KCNB2: variants seen among roughly 807,000 people sequenced by gnomAD.
KCNB2 encodes the protein delayed rectifier potassium channel protein.
A neutral mutation model predicts 61.5 loss-of-function variants in KCNB2; 15 were observed. That is an observed-to-expected ratio of 0.24 (90% CI 0.16 to 0.38). KCNB2 has a LOEUF of 0.38. KCNB2 is among the 10% of genes least tolerant of loss of function. KCNB2 has a pLI of 1.00. For missense variants in KCNB2, 828 were observed against 1,125.2 expected, an observed-to-expected ratio of 0.74 and a Z score of 3.78; for synonymous variants, 457 against 446.0, an observed-to-expected ratio of 1.02 and a Z score of -0.31.
chr8:72,674,975 C>G (rs577417375), intron 2 of KCNB2, among the ~76,000 whole-genome samples: 1 of 152,222 alleles, frequency 6.6e-6, no homozygotes, highest in African/African-American at 2.4e-5. Flanking sequence ...AAACATGTTC[C>G]TATAACAACC....
chr8:72,822,590 T>C (rs527599653), intron 2 of KCNB2, among the ~76,000 whole-genome samples: 1 of 152,296 alleles, frequency 6.6e-6, no homozygotes, highest in East Asian at 1.9e-4. Context: ...TCTGCTTACC[T>C]CTCGCCACCC....
intron 2 of KCNB2, among the ~76,000 whole-genome samples, chr8:72,823,536 C>T (rs183161052): frequency 3.5e-4 from 53 of 152,270 alleles, no homozygotes; most frequent in African/African-American, 1.2e-3. Context: ...CTTCCAAGCT[C>T]CTTGTCAAAT....
At chr8:72,725,561 A>G (rs1399029134) in intron 2 of KCNB2, among the ~76,000 whole-genome samples, 9,433 of 53,794 alleles carry the variant, frequency 0.18, 905 homozygotes, top group African/African-American at 0.35. Context: ...ATATATGTAT[A>G]TATGTATATA....
At chr8:72,626,632 C>T (rs995543108) in intron 2 of KCNB2, among the ~76,000 whole-genome samples, 4 of 152,146 alleles carry the variant, frequency 2.6e-5, no homozygotes, top group African/African-American at 2.4e-5. Context: ...TTATTGTCCC[C>T]ATTGAATAGA....
intron 2 of KCNB2, among the ~76,000 whole-genome samples, chr8:72,662,646 A>G (rs1806399363): frequency 6.6e-6 from 1 of 152,058 alleles, no homozygotes; most frequent in African/African-American, 2.4e-5. Context: ...TTGAGTAAAT[A>G]TTTCATTCTG....
intron 2 of KCNB2, among the ~76,000 whole-genome samples, chr8:72,715,813 G>C (rs1384864995): frequency 6.6e-6 from 1 of 152,162 alleles, no homozygotes; most frequent in Non-Finnish European, 1.5e-5. Context: ...ACTAAGATCA[G>C]AGCAGAACTG....
chr8:72,646,597 T>C (rs1015747468), intron 2 of KCNB2, among the ~76,000 whole-genome samples: 9 of 152,150 alleles, frequency 5.9e-5, no homozygotes, highest in Non-Finnish European at 1.0e-4. Flanking sequence ...CTCGAGGACA[T>C]TGTGTTGCGT....
At chr8:72,595,224 C>G (rs1807168770) in intron 2 of KCNB2, among the ~76,000 whole-genome samples, 1 of 152,108 alleles carries the variant, frequency 6.6e-6, no homozygotes, top group Non-Finnish European at 1.5e-5. Context: ...AGCCCTTGAA[C>G]TCACTCATGA....
intron 2 of KCNB2, among the ~76,000 whole-genome samples, chr8:72,742,087 G>C (rs1453234003): frequency 6.6e-6 from 1 of 152,166 alleles, no homozygotes; most frequent in African/African-American, 2.4e-5. Flanking sequence ...TATGGAACCA[G>C]CCTAAATGCC....
chr8:72,745,656 G>A (rs988100382), intron 2 of KCNB2, among the ~76,000 whole-genome samples: 2 of 152,108 alleles, frequency 1.3e-5, no homozygotes, highest in African/African-American at 4.8e-5. Context: ...GGGCTTCACT[G>A]TCCAGAGTTT....
chr8:72,882,603 G>A (rs746907207), intron 2 of KCNB2, among the ~76,000 whole-genome samples: 84 of 150,138 alleles, frequency 5.6e-4, no homozygotes, highest in Non-Finnish European at 1.1e-3. Flanking sequence ...CTAGCAACTG[G>A]GCCAGTAGTG....
At chr8:72,851,852 G>A (rs114838615) in intron 2 of KCNB2, among the ~76,000 whole-genome samples, 105 of 29,024 alleles carry the variant, frequency 3.6e-3, no homozygotes, top group African/African-American at 0.012. Flanking sequence ...AAAAAAACAC[G>A]TACTGCTGAG....
At chr8:72,851,406 C>T (rs1236737436) in intron 2 of KCNB2, among the ~76,000 whole-genome samples, 1 of 152,164 alleles carries the variant, frequency 6.6e-6, no homozygotes, top group African/African-American at 2.4e-5. Context: ...TTTTCACATT[C>T]ATTTTGCATT....
chr8:72,833,127 G>A (rs559933002), intron 2 of KCNB2, among the ~76,000 whole-genome samples: 1 of 152,306 alleles, frequency 6.6e-6, no homozygotes, highest in Admixed American at 6.5e-5. Context: ...AGAATCAAGA[G>A]CATTGAAGGT....
At chr8:72,553,504 GT>G (rs1806377599) in intron 1 of KCNB2, among the ~76,000 whole-genome samples, 1 of 152,036 alleles carries the variant, frequency 6.6e-6, no homozygotes, top group East Asian at 1.9e-4. Flanking sequence ...CATGCTAAAT[GT>G]TCCCAGTTCA....
chr8:72,589,204 C>A (rs1807048191), intron 2 of KCNB2, among the ~76,000 whole-genome samples: 1 of 152,094 alleles, frequency 6.6e-6, no homozygotes, highest in Non-Finnish European at 1.5e-5. Context: ...AGTGTAGGTT[C>A]CTTCTTCTGC....
At chr8:72,905,969 A>T (rs2129006969) in intron 2 of KCNB2, among the ~76,000 whole-genome samples, 1 of 152,314 alleles carries the variant, frequency 6.6e-6, no homozygotes, top group Admixed American at 6.5e-5. Context: ...AGCCAAACCC[A>T]TTGGATTCAC....
At chr8:72,866,489 G>A (rs1018375076) in intron 2 of KCNB2, among the ~76,000 whole-genome samples, 1 of 152,182 alleles carries the variant, frequency 6.6e-6, no homozygotes, top group Non-Finnish European at 1.5e-5. Flanking sequence ...ACAGGTACAA[G>A]ATAGGCACAC....
At chr8:72,740,584 G>A (rs1479537436) in intron 2 of KCNB2, among the ~76,000 whole-genome samples, 1 of 152,176 alleles carries the variant, frequency 6.6e-6, no homozygotes, top group Non-Finnish European at 1.5e-5. Flanking sequence ...ATGAACAAAT[G>A]GCTGCCAAAA....
Sources: gnomAD v4.1 joint callset for allele counts (sites outside exome capture counted in the v4.1 genomes callset) on GRCh38, gnomAD v4.1.1 for gene constraint, MANE v1.5 for transcripts, NCBI Gene and HGNC (gene_info 2026-07-23, HGNC 2026-07-21) for gene names.